The following ZNF780A variants were observed in gnomAD, a reference collection of about 807,000 sequenced individuals.
ZNF780A encodes the protein zinc finger protein 780A.
In ZNF780A, 40 loss-of-function variants were observed where a neutral mutation model predicts 56.7. The observed-to-expected ratio is 0.71, with a 90% CI of 0.55 to 0.92. The LOEUF (loss-of-function observed/expected upper bound fraction) is 0.92. Among genes scored for constraint, ZNF780A ranks in the 40% least tolerant of loss-of-function variants. The pLI, the probability that ZNF780A is intolerant of heterozygous loss-of-function variation, is 0.00. For synonymous variants in ZNF780A, 231 were observed against 248.3 expected (o/e 0.93, Z 0.66); for missense variants, 672 against 783.3 (o/e 0.86, Z 1.70).
At chr19:40,081,986 C>T (rs1206156949) in intron 4 of ZNF780A, 72 bp from the exon 5 acceptor site, 19 of 1,032,116 alleles carry the variant, frequency 1.8e-5, no homozygotes, top group Non-Finnish European at 2.3e-5. Context: ...TTGTGACCTG[C>T]TTAAACTTAC....
chr19:40,075,700 G>C lies in ZNF780A; in HGVS notation c.742C>G (p.Leu248Val), dbSNP rs1974088553. The C allele has an allele frequency of 4.3e-6, 7 of 1,614,046 alleles. No individual in the cohort carries two copies. The East Asian group carries it at 1.6e-4, about 36-fold the overall frequency. The change falls in exon 6 of 6, where the codon CTG becomes GTG. Residue 248 changes from leucine (L) to valine (V), a missense_variant. Leu to Val is a conservative substitution (Grantham distance 32). Transcript: ENST00000683561. ...TTCCCACATTCCTTACATTCAAACA[G>C]TTTCTCACCTGTGTGAATGTTCTTA... Reference protein sequence around the residue: ...RHKNIHTGEKLFECKECGKSF... With the variant: ...RHKNIHTGEKVFECKECGKSF...
Position 40,073,694 on chromosome 19 carries a change from A to G in ZNF780A, c.*822T>C. ...TCCTTACACTCAAAGATTTCTCAGA[A>G]GTATGAATACTCAGAAGTTGAGCAA... On this transcript the variant is annotated 3_prime_UTR_variant, in exon 6 of 6. Coordinates refer to ENST00000683561, the MANE Select transcript of ZNF780A (RefSeq NM_001142578.2). 1 of 985,872 alleles carries G rather than the reference A, an allele frequency of 1.0e-6. No homozygotes were observed. The highest frequency in any genetic ancestry group is 1.2e-6 in the Non-Finnish European group (1 of 830,276). 61.1% of individuals were successfully genotyped at this position (985,872 alleles called of 1,614,324 possible). A position where few individuals can be genotyped will look rare whatever the true frequency, so the allele number is the denominator to read the frequency against.
Position 40,074,018 on chromosome 19 carries a change from G to T in ZNF780A, c.*498C>A. The T allele has an allele frequency of 8.7e-7, 1 of 1,147,630 alleles. No homozygotes were observed. Among genetic ancestry groups the T allele is most frequent in the Non-Finnish European group, 1.1e-6 (1 of 919,982 alleles). The allele number at this position is 1,147,630 out of a possible 1,614,324, so 71.1% of individuals were successfully genotyped here. ...TCTTCCCACATTCTGTACATTCACAGGGTTTCATACCAGTATGAATTCTTT... is the reference window on the plus strand; with the variant it reads ...TCTTCCCACATTCTGTACATTCACATGGTTTCATACCAGTATGAATTCTTT... On this transcript the variant is annotated 3_prime_UTR_variant, in exon 6 of 6. Coordinates refer to ENST00000683561, the MANE Select transcript of ZNF780A (RefSeq NM_001142578.2).
At chr19:40,078,163 A>G (rs982866552) in intron 5 of ZNF780A, among the ~76,000 whole-genome samples, 2 of 152,012 alleles carry the variant, frequency 1.3e-5, no homozygotes, top group Non-Finnish European at 2.9e-5. Flanking sequence ...TATAAAATAC[A>G]TTCAAAATCT....
intron 2 of ZNF780A, among the ~76,000 whole-genome samples, chr19:40,087,733 T>A (rs7260378): frequency 0.086 from 13,065 of 152,080 alleles, 976 homozygotes; most frequent in African/African-American, 0.19. Flanking sequence ...AAAGTTGGAC[T>A]CATCAAAACT....
chr19:40,081,865 T>C lies in ZNF780A; in HGVS notation c.186A>G (p.Lys62=). 1 of 1,613,244 alleles carries C rather than the reference T, an allele frequency of 6.2e-7. No individual in the cohort carries two copies. Among genetic ancestry groups the C allele is most frequent in the Non-Finnish European group, 8.5e-7 (1 of 1,179,396 alleles). ...PDVITLLEQE[K]EPWMVVRKET... ...CTTTCCTTACAACCATCCAGGGCTC[T>C]TTCTCTTGCTCTAGTAACGTAATTA... Residue 62 remains lysine, a synonymous_variant, in exon 5 of 6, where the codon AAA becomes AAG. Coordinates refer to ENST00000683561, the MANE Select transcript of ZNF780A (RefSeq NM_001142578.2).
chr19:40,083,988 C>A (rs1180362388), intron 3 of ZNF780A, among the ~76,000 whole-genome samples: 1 of 152,156 alleles, frequency 6.6e-6, no homozygotes, highest in Non-Finnish European at 1.5e-5. Context: ...CAACCTCCAC[C>A]TCCCAGGTTC....
chr19:40,089,262 TA>T, intron 2 of ZNF780A: 1 of 1,421,752 alleles, frequency 7.0e-7, no homozygotes, highest in Non-Finnish European at 9.3e-7. Flanking sequence ...ATACATACCA[TA>T]AAACTTCATG....
chr19:40,075,305 A>G lies in ZNF780A; in HGVS notation c.1137T>C (p.His379=), dbSNP rs1429106993. 6.2e-7 allele frequency: 1 copy of G among 1,613,720 alleles called. No homozygotes were observed. Among genetic ancestry groups the G allele is most frequent in the East Asian group, 2.2e-5 (1 of 44,810 alleles). ...GTTTTTCACCTGTGTGAATGTTCTTATGGCGATTAAGCTGGTTGAGAAGAC... is the reference window on the plus strand; with the variant it reads ...GTTTTTCACCTGTGTGAATGTTCTTGTGGCGATTAAGCTGGTTGAGAAGAC... The part of the protein sequence containing the change: ...AFSLLNQLNR[H]KNIHTGEKPF... Residue 379 remains histidine, a synonymous_variant, in exon 6 of 6, where the codon CAT becomes CAC. Transcript: ENST00000683561.
intron 4 of ZNF780A, 143 bp downstream of exon 4, chr19:40,082,968 A>G (rs1169244111): frequency 7.2e-7 from 1 of 1,398,492 alleles, no homozygotes; most frequent in Non-Finnish European, 9.8e-7. Context: ...CCTGTTTTCA[A>G]CCCAACAAAT....
Position 40,084,750 on chromosome 19 carries a change from C to A in ZNF780A, c.4G>T (p.Val2Phe). The A allele has an allele frequency of 6.4e-7, 1 of 1,552,586 alleles. No homozygotes were observed. The highest frequency in any genetic ancestry group is 8.7e-7 in the Non-Finnish European group (1 of 1,147,544). M[V>F]HGSVTFRDVA... ...AGAGAGAAATACAAACTTACATGGACCATGTTGCTAGAATTACAAAACTGG... is the reference window on the plus strand; with the variant it reads ...AGAGAGAAATACAAACTTACATGGAACATGTTGCTAGAATTACAAAACTGG... Residue 2 changes from valine (V) to phenylalanine (F), a missense_variant, in exon 3 of 6, where the codon GTC (valine) becomes TTC (phenylalanine). By Grantham distance (50) the Val-to-Phe change is conservative (BLOSUM62 -1). Coordinates refer to ENST00000683561, the MANE Select transcript of ZNF780A (RefSeq NM_001142578.2).
chr19:40,084,708 A>G, intron 3 of ZNF780A, 37 bp downstream of exon 3: 1 of 1,542,800 alleles, frequency 6.5e-7, no homozygotes, highest in Non-Finnish European at 8.8e-7. Context: ...CCTGAAAGTC[A>G]CCATATTTCA....
chr19:40,079,727 T>C (rs1974363732), intron 5 of ZNF780A, among the ~76,000 whole-genome samples: 1 of 152,096 alleles, frequency 6.6e-6, no homozygotes, highest in Admixed American at 6.5e-5. Flanking sequence ...TGCTCCTATA[T>C]AACCACTGGG....
Position 40,076,229 on chromosome 19 carries a change from C to G in ZNF780A, c.233-20G>C. The G allele has an allele frequency of 6.5e-7, 1 of 1,529,906 alleles. No individual in the cohort carries two copies. The highest frequency in any genetic ancestry group is 2.3e-5 in the East Asian group (1 of 44,318). 94.8% of individuals were successfully genotyped at this position (1,529,906 alleles called of 1,614,324 possible). On this transcript the variant is annotated intron_variant, in intron 5 of 5. Transcript: ENST00000683561. ...CCAAATCTGAAAGAAATGAAGAAAG[C>G]AAACCTATTTTATTTTCGTATAACA... is the stretch of plus-strand genomic sequence containing the variant.
rs1016261384 is a variant in ZNF780A at position 40,074,758 on chromosome 19, A to G, written c.1684T>C (p.Cys562Arg). 7 of 1,614,080 alleles carry G rather than the reference A, an allele frequency of 4.3e-6. No individual in the cohort carries two copies. The highest frequency in any genetic ancestry group is 5.9e-6 in the Non-Finnish European group (7 of 1,180,036). Residue 562 changes from cysteine (C) to arginine (R), a missense_variant, in exon 6 of 6, where the codon TGT becomes CGT. By Grantham distance (180) the Cys-to-Arg change is radical. Coordinates refer to ENST00000683561, the MANE Select transcript of ZNF780A (RefSeq NM_001142578.2). ...TGKKPFECKECGKAFRLHMHL... is the reference protein window; with the variant it reads ...TGKKPFECKERGKAFRLHMHL... Reference sequence around the variant, plus strand: ...ATATGAAGTCGAAAGGCTTTCCCACATTCCTTACATTCAAAGGGTTTCTTT... The same window carrying G: ...ATATGAAGTCGAAAGGCTTTCCCACGTTCCTTACATTCAAAGGGTTTCTTT...
rs151091466 is a variant in ZNF780A, at chr19:40,075,730, G to A, written c.712C>T (p.Arg238Cys). ...TCACCTGTGTGAATGTTCTTATGGC[G>A]ATTAAGCAGGGTAAGAAGACTAAAG... ...KAFSLLTLLN[R>C]HKNIHTGEKL... The change falls in exon 6 of 6, where the codon CGC becomes TGC. Residue 238 changes from arginine (R) to cysteine (C), a missense_variant. Transcript: ENST00000683561. 1,118 of 1,613,964 alleles carry A rather than the reference G, an allele frequency of 6.9e-4. 1 individual carries two copies. The highest frequency in any genetic ancestry group is 8.6e-4 in the Non-Finnish European group (1,013 of 1,179,988).
chr19:40,085,319 A>G (rs7257747), intron 2 of ZNF780A: 45,163 of 984,672 alleles, frequency 0.046, 2,225 homozygotes, highest in African/African-American at 0.21. Context: ...TCAGCATTCT[A>G]AATTCAGCAA....
chr19:40,074,745 A>T lies in ZNF780A; in HGVS notation c.1697T>A (p.Phe566Tyr). ...PFECKECGKA[F>Y]RLHMHLIRHQ... ...TCGAATAAGGTGCATATGAAGTCGA[A>T]AGGCTTTCCCACATTCCTTACATTC... The change falls in exon 6 of 6, where the codon TTT becomes TAT. Residue 566 changes from phenylalanine to tyrosine, a missense_variant. Phe to Tyr is a conservative substitution (Grantham distance 22). Coordinates refer to ENST00000683561, the MANE Select transcript of ZNF780A (RefSeq NM_001142578.2). 1 of 1,614,196 alleles carries T rather than the reference A, an allele frequency of 6.2e-7. No homozygotes were observed. Among genetic ancestry groups the T allele is most frequent in the Non-Finnish European group, 8.5e-7 (1 of 1,180,028 alleles).
At chr19:40,081,213 GAA>G (rs36028897) in intron 5 of ZNF780A, among the ~76,000 whole-genome samples, 7,611 of 143,070 alleles carry the variant, frequency 0.053, 316 homozygotes, top group East Asian at 0.18. Context: ...CAAATAACAG[GAA>G]AAAAAAAAAA....
Sources: gnomAD v4.1 joint callset for allele counts (sites outside exome capture counted in the v4.1 genomes callset) on GRCh38, gnomAD v4.1.1 for gene constraint, MANE v1.5 for transcripts, NCBI Gene and HGNC (gene_info 2026-07-23, HGNC 2026-07-21) for gene names.